The following TP53BP1 variants were observed in gnomAD, a reference collection of about 807,000 sequenced individuals.
TP53BP1 encodes TP53-binding protein 1.
TP53BP1 carries 61 observed loss-of-function variants against 200.8 expected under a neutral mutation model. The observed-to-expected ratio is 0.30, with a 90% CI of 0.25 to 0.38. The LOEUF is 0.38. Ranked by LOEUF, TP53BP1 falls within the 10% of genes least tolerant of loss-of-function variation. The probability of loss-of-function intolerance (pLI) is 1.00; values close to 1 mark genes in which losing one functional copy is unlikely to be tolerated. For synonymous variants in TP53BP1, 822 were observed against 844.3 expected (o/e 0.97, Z 0.46); for missense variants, 2,144 against 2,371.9 (o/e 0.90, Z 2.00).
intron 12 of TP53BP1, 84 bp from the exon 13 acceptor site, chr15:43,447,569 A>C (rs2046073444): frequency 8.3e-7 from 1 of 1,211,146 alleles, no homozygotes. Flanking sequence ...AAAAATAATA[A>C]GAACTGCAAG....
Position 43,469,964 on chromosome 15 carries a change from A to G in TP53BP1, c.1283T>C (p.Leu428Pro). Residue 428 changes from leucine to proline, a missense_variant, in exon 11 of 28, where the codon CTG becomes CCG. By Grantham distance (98) the Leu-to-Pro change is moderately conservative (BLOSUM62 -3). This residue lies in a region of TP53BP1 where 1,700 missense variants were observed against 1,710.3 expected (regional missense o/e 0.99). Transcript: ENST00000382044. ...EPVELENPPL[L>P]PESTVSPQAS... is the part of the protein sequence containing the mutation. ...TTGTGGTGATACAGTGGACTCAGGC[A>G]GGAGAGGGGGGTTTTCTAACTCCAC... is the stretch of plus-strand genomic sequence containing the variant. 6.2e-7 allele frequency: 1 copy of G among 1,614,064 alleles called. No homozygotes were observed. The highest frequency in any genetic ancestry group is 1.1e-5 in the South Asian group (1 of 91,086).
At chr15:43,453,215 A>T (rs2046213455) in intron 12 of TP53BP1, among the ~76,000 whole-genome samples, 1 of 151,204 alleles carries the variant, frequency 6.6e-6, no homozygotes, top group Non-Finnish European at 1.5e-5. Flanking sequence ...AAAAAAAAAA[A>T]AAAGTACTCC....
intron 15 of TP53BP1, among the ~76,000 whole-genome samples, chr15:43,440,543 G>A (rs1280593148): frequency 6.7e-6 from 1 of 149,474 alleles, no homozygotes; most frequent in Non-Finnish European, 1.5e-5. Flanking sequence ...AAAACACTCT[G>A]TCTTGTACCT....
intron 11 of TP53BP1, among the ~76,000 whole-genome samples, chr15:43,465,260 AGGGCAT>A (rs2046546126): frequency 6.6e-6 from 1 of 152,114 alleles, no homozygotes; most frequent in Non-Finnish European, 1.5e-5. Flanking sequence ...TGAGTGCTAA[AGGGCAT>A]GGGTTTTGAG....
In TP53BP1 at chr15:43,415,678, G is replaced by C. The variant is rs1200844024; in HGVS notation, c.5005C>G (p.Leu1669Val). The part of the protein sequence containing the change: ...TESPRASMGV[L>V]SGKRKLITSE... The stretch of plus-strand genomic sequence containing the variant: ...GTGATAAGTTTTCTTTTGCCTGAGA[G>C]AACTCCCATGGAGGCACGAGGACTT... Residue 1669 changes from leucine to valine, a missense_variant, in exon 23 of 28, where the codon CTC becomes GTC. By Grantham distance (32) the Leu-to-Val change is conservative (BLOSUM62 1). Coordinates refer to ENST00000382044, the MANE Select transcript of TP53BP1 (RefSeq NM_001141980.3). 11 of 1,614,114 alleles carry C rather than the reference G, an allele frequency of 6.8e-6. No homozygotes were observed. The highest frequency in any genetic ancestry group is 1.3e-5 in the African/African-American group (1 of 74,930).
intron 1 of TP53BP1, among the ~76,000 whole-genome samples, chr15:43,502,848 C>T (rs762173309): frequency 1.3e-5 from 2 of 151,834 alleles, no homozygotes; most frequent in Admixed American, 1.3e-4. Flanking sequence ...CTCTGTCTCC[C>T]GGGTTCAAGC....
chr15:43,485,144 T>A (rs903559335), intron 4 of TP53BP1, among the ~76,000 whole-genome samples: 2 of 152,206 alleles, frequency 1.3e-5, no homozygotes, highest in African/African-American at 4.8e-5. Context: ...TCTAACATAC[T>A]ACATATTTTA....
rs201365284 is a variant in TP53BP1 at position 43,408,863 on chromosome 15, C to G, written c.5600+34G>C. The stretch of plus-strand genomic sequence containing the variant: ...CCCTCCAAAGCTTGCTGTCCTCCTG[C>G]CTATACAATTCTGGATGGGCTTCAA... On this transcript the variant is annotated intron_variant, in intron 26 of 27. Coordinates refer to ENST00000382044, the MANE Select transcript of TP53BP1 (RefSeq NM_001141980.3). 2.5e-6 allele frequency: 4 copies of G among 1,605,578 alleles called. No homozygotes were observed. The East Asian group carries it at 8.9e-5, about 36-fold the overall frequency.
chr15:43,438,525 A>G (rs2045852289), intron 15 of TP53BP1, 109 bp from the exon 16 acceptor site: 1 of 814,558 alleles, frequency 1.2e-6, no homozygotes, highest in Admixed American at 3.1e-5. Flanking sequence ...TGCATATCAA[A>G]CTCCAAACCA....
At position 43,456,192 on chromosome 15, in the gene TP53BP1, T is replaced by C; in HGVS notation, c.2416A>G (p.Arg806Gly). Residue 806 changes from arginine to glycine, a missense_variant, in exon 12 of 28, where the codon AGA (arginine) becomes GGA (glycine). Physicochemically the swap from Arg to Gly is moderately radical, Grantham distance 125. Transcript: ENST00000382044. The stretch of plus-strand genomic sequence containing the variant: ...CTCTTTTCTTCCTTGGTGTCTAATC[T>C]ATTCTCAGCACATGGTTCTATTTCT... ...APEIEPCAENRLDTKEEKSVE... is the reference protein window; with the variant it reads ...APEIEPCAENGLDTKEEKSVE... 2 of 1,614,208 alleles carry C rather than the reference T, an allele frequency of 1.2e-6. No individual in the cohort carries two copies. Among genetic ancestry groups the C allele is most frequent in the Non-Finnish European group, 1.7e-6 (2 of 1,180,040 alleles).
Position 43,441,579 on chromosome 15 carries a change from A to G in TP53BP1, c.3045T>C (p.Pro1015=). Residue 1015 remains proline (P), a synonymous_variant, in exon 15 of 28, where the codon CCT becomes CCC. Coordinates refer to ENST00000382044, the MANE Select transcript of TP53BP1 (RefSeq NM_001141980.3). The part of the protein sequence containing the change: ...EESLQFNLEK[P]ATGERKNGST... ...ATCCATTTTTTCTTTCACCAGTTGC[A>G]GGCTCTGAATAAAAACAAAACCAAG... 6.2e-7 allele frequency: 1 copy of G among 1,611,828 alleles called. No homozygotes were observed. Among genetic ancestry groups the G allele is most frequent in the Non-Finnish European group, 8.5e-7 (1 of 1,178,058 alleles).
rs139007710 is a variant in TP53BP1 at position 43,487,007 on chromosome 15, C to T, written c.371+4662G>A. Among the ~76,000 whole-genome samples the T allele has an allele frequency of 3.6e-3, 550 of 151,770 alleles. 3 individuals are homozygous for T. Among genetic ancestry groups the T allele is most frequent in the African/African-American group, 0.012 (515 of 41,320 alleles). On this transcript the variant is annotated intron_variant, in intron 4 of 27. Transcript: ENST00000382044. ...CTCTCACCAAAATTAAAAATTGCTCCGTGAAAAACCCTATGAAGAGAAAGA... is the reference window on the plus strand; with the variant it reads ...CTCTCACCAAAATTAAAAATTGCTCTGTGAAAAACCCTATGAAGAGAAAGA...
intron 21 of TP53BP1, among the ~76,000 whole-genome samples, chr15:43,419,861 G>A (rs1001482749): frequency 1.3e-5 from 2 of 152,142 alleles, no homozygotes; most frequent in Non-Finnish European, 2.9e-5. Flanking sequence ...AAGGGTATGT[G>A]ATGACTAAAT....
Position 43,483,943 on chromosome 15 carries a change from A to T in TP53BP1, c.372-2921T>A, listed in dbSNP as rs186525017. Among the ~76,000 whole-genome samples, 377 of 152,246 alleles carry T rather than the reference A, an allele frequency of 2.5e-3. 3 individuals carry two copies. Among genetic ancestry groups the T allele is most frequent in the Middle Eastern group, 6.8e-3 (2 of 294 alleles). On this transcript the variant is annotated intron_variant, in intron 4 of 27. Transcript: ENST00000382044. ...CCACTTAATGACCTCATCCAGACTCATGGTTTAGAATACTACCTATCTGCT... is the reference window on the plus strand; with the variant it reads ...CCACTTAATGACCTCATCCAGACTCTTGGTTTAGAATACTACCTATCTGCT...
Position 43,409,670 on chromosome 15 carries a change from G to A in TP53BP1, c.5377C>T (p.Leu1793Phe). 1 of 1,560,342 alleles carries A rather than the reference G, an allele frequency of 6.4e-7. No individual in the cohort carries two copies. Among genetic ancestry groups the A allele is most frequent in the South Asian group, 1.2e-5 (1 of 81,568 alleles). ...ACCTGGGCTTCATTGAAATCTTCAA[G>A]GATATAGCCAGCTCCTGCTCGAAGC... ...SQLRAGAGYI[L>F]EDFNEAQCNT... Residue 1793 changes from leucine to phenylalanine, a missense_variant, in exon 25 of 28, where the codon CTT (leucine) becomes TTT (phenylalanine). Around this residue, in one of 4 missense-constraint regions of TP53BP1, gnomAD observed 334 missense variants for 453.4 expected, o/e 0.74. Transcript: ENST00000382044.
rs2044838925 is a variant in TP53BP1 at position 43,405,508 on chromosome 15, C to T, written c.*1875G>A. On this transcript the variant is annotated 3_prime_UTR_variant, in exon 28 of 28. Coordinates refer to ENST00000382044, the MANE Select transcript of TP53BP1 (RefSeq NM_001141980.3). ...ATAGTCATTTATTGAGCACCTACTACGTACCTTGGTACTGTTCAAGCTGTG... is the reference window on the plus strand; with the variant it reads ...ATAGTCATTTATTGAGCACCTACTATGTACCTTGGTACTGTTCAAGCTGTG... 9 of 478,708 alleles carry T rather than the reference C, an allele frequency of 1.9e-5. No individual in the cohort carries two copies. The highest frequency in any genetic ancestry group is 7.2e-5 in the Admixed American group (2 of 27,964). 29.7% of individuals were successfully genotyped at this position (478,708 alleles called of 1,614,324 possible).
At chr15:43,466,972 T>C (rs2046597478) in intron 11 of TP53BP1, among the ~76,000 whole-genome samples, 1 of 152,190 alleles carries the variant, frequency 6.6e-6, no homozygotes. Context: ...AGGCCTTGTT[T>C]TAACTATCTG....
In TP53BP1 at chr15:43,465,308, T is replaced by C. The variant is rs79672859; in HGVS notation, c.1389+4550A>G. Among the ~76,000 whole-genome samples the C allele has an allele frequency of 1.7e-3, 259 of 152,228 alleles. 3 individuals carry two copies. The East Asian group carries it at 0.044, about 26-fold the overall frequency. ...ATGAAACTATTCTGAAATTAGATCA[T>C]GGTGATGGTTGCACAACTCTATGAA... On this transcript the variant is annotated intron_variant, in intron 11 of 27. Transcript: ENST00000382044.
chr15:43,440,058 C>T (rs1487142792), intron 15 of TP53BP1, among the ~76,000 whole-genome samples: 1 of 152,168 alleles, frequency 6.6e-6, no homozygotes, highest in Non-Finnish European at 1.5e-5. Flanking sequence ...GATCAAAAGA[C>T]TTTGAAAAAG....
Sources: gnomAD v4.1 joint callset for allele counts (sites outside exome capture counted in the v4.1 genomes callset) on GRCh38, gnomAD v4.1.1 for gene constraint, gnomAD v4.1.1 regional missense constraint, MANE v1.5 for transcripts, NCBI Gene and HGNC (gene_info 2026-07-23, HGNC 2026-07-21) for gene names.